The following FHOD3 variants were observed in gnomAD, a reference collection of about 807,000 sequenced individuals.
FHOD3 encodes formin homology 2 domain containing 3, also known as FH1/FH2 domain-containing protein 3.
In FHOD3, 90 loss-of-function variants were observed where a neutral mutation model predicts 173.0. The observed-to-expected ratio is 0.52, with a 90% CI of 0.44 to 0.62. The LOEUF (loss-of-function observed/expected upper bound fraction) is 0.62. FHOD3 is among the 20% of genes least tolerant of loss of function. The pLI is 0.00. For missense variants in FHOD3, 1,945 were observed against 2,034.7 expected (o/e 0.96, Z 0.85); for synonymous variants, 828 against 823.0 (o/e 1.01, Z -0.10).
At chr18:36,596,321 A>ATTTTTTTTTTTT (rs539907617) in intron 7 of FHOD3, among the ~76,000 whole-genome samples, 39 of 57,494 alleles carry the variant, frequency 6.8e-4, no homozygotes, top group South Asian at 9.4e-4. Flanking sequence ...TGCCCAGCTA[A>ATTTTTTTTTTTT]TTTTTTTTTT....
chr18:36,643,943 C>G (rs1453026816), intron 10 of FHOD3, among the ~76,000 whole-genome samples: 1 of 152,104 alleles, frequency 6.6e-6, no homozygotes, highest in South Asian at 2.1e-4. Context: ...TGAAAGAGCT[C>G]AGCAACATTC....
At chr18:36,496,458 T>C (rs1436984298) in intron 3 of FHOD3, among the ~76,000 whole-genome samples, 1 of 152,206 alleles carries the variant, frequency 6.6e-6, no homozygotes, top group Non-Finnish European at 1.5e-5. Flanking sequence ...AGGTGTCTCT[T>C]AAAATGTATG....
chr18:36,478,164 T>G (rs2053693792), intron 3 of FHOD3, among the ~76,000 whole-genome samples: 1 of 152,216 alleles, frequency 6.6e-6, no homozygotes. Context: ...GCTTGGGTGT[T>G]AATGAGATAT....
In FHOD3 at chr18:36,687,194, C is replaced by T; in HGVS notation, c.2021+16C>T. ...GAGAAGAAAGGTTTGTATATTTCTT[C>T]TTTCCCATTGTAACAAATGGCATGT... is the stretch of plus-strand genomic sequence containing the variant. On this transcript the variant is annotated intron_variant, in intron 16 of 28. Transcript: ENST00000590592. The T allele has an allele frequency of 6.3e-7, 1 of 1,594,290 alleles. No individual in the cohort carries two copies. Among genetic ancestry groups the T allele is most frequent in the Non-Finnish European group, 8.6e-7 (1 of 1,164,152 alleles).
intron 3 of FHOD3, among the ~76,000 whole-genome samples, chr18:36,377,789 G>T (rs1338818034): frequency 2.0e-5 from 3 of 152,152 alleles, no homozygotes; most frequent in Non-Finnish European, 4.4e-5. Flanking sequence ...CCCTGACTGG[G>T]AGACACCCCC....
At chr18:36,315,295 A>G (rs1327513845) in intron 1 of FHOD3, among the ~76,000 whole-genome samples, 3 of 152,092 alleles carry the variant, frequency 2.0e-5, no homozygotes, top group Non-Finnish European at 4.4e-5. Context: ...GTTTACATGG[A>G]GATGTTTAGG....
chr18:36,379,841 T>A (rs899073849), intron 3 of FHOD3, among the ~76,000 whole-genome samples: 2 of 152,208 alleles, frequency 1.3e-5, no homozygotes, highest in African/African-American at 4.8e-5. Flanking sequence ...GAGACAACTT[T>A]ATTTTTGGCA....
intron 1 of FHOD3, among the ~76,000 whole-genome samples, chr18:36,317,058 C>A (rs537262012): frequency 5.4e-4 from 82 of 152,276 alleles, no homozygotes; most frequent in African/African-American, 1.8e-3. Flanking sequence ...TGAACTCATC[C>A]TTTTTTATGG....
chr18:36,410,926 C>T (rs1279137507), intron 3 of FHOD3, among the ~76,000 whole-genome samples: 6 of 152,100 alleles, frequency 3.9e-5, no homozygotes, highest in South Asian at 2.1e-4. Context: ...ATCAGATATA[C>T]GCTTTGCAAA....
intron 9 of FHOD3, among the ~76,000 whole-genome samples, chr18:36,619,011 C>T (rs1273713926): frequency 6.6e-6 from 1 of 152,194 alleles, no homozygotes; most frequent in Non-Finnish European, 1.5e-5. Context: ...AAGTCAGCAG[C>T]CTTGGGGGCT....
chr18:36,506,281 C>G (rs1343878941), intron 4 of FHOD3, among the ~76,000 whole-genome samples: 1 of 152,152 alleles, frequency 6.6e-6, no homozygotes, highest in East Asian at 1.9e-4. Flanking sequence ...TTTTGAACAG[C>G]ATGCTAGCAG....
intron 3 of FHOD3, among the ~76,000 whole-genome samples, chr18:36,487,892 G>T (rs2145694073): frequency 6.6e-6 from 1 of 152,296 alleles, no homozygotes; most frequent in East Asian, 1.9e-4. Context: ...TCCACACACA[G>T]CTTGTCCGTT....
intron 5 of FHOD3, among the ~76,000 whole-genome samples, chr18:36,523,228 A>G (rs562025839): frequency 6.6e-6 from 1 of 152,284 alleles, no homozygotes; most frequent in East Asian, 1.9e-4. Context: ...TGAGTCTGCA[A>G]GGCTTAAGTG....
chr18:36,662,926 A>T (rs964186351), intron 14 of FHOD3, among the ~76,000 whole-genome samples: 1 of 152,146 alleles, frequency 6.6e-6, no homozygotes, highest in African/African-American at 2.4e-5. Context: ...ACCATTTTAG[A>T]TGCCTCATAT....
chr18:36,394,433 C>T (rs9946470), intron 3 of FHOD3, among the ~76,000 whole-genome samples: 6,654 of 152,142 alleles, frequency 0.044, 485 homozygotes, highest in African/African-American at 0.15. Flanking sequence ...GAGGAAAGAG[C>T]GGTATAGCTG....
chr18:36,633,061 G>A lies in FHOD3; in HGVS notation c.1196+7312G>A, dbSNP rs148990331. ...CTTCCCTTAGGTGGGCTGTCCGCAT[G>A]CGCAGTGCCCTGCTGGCACTTGGGA... On this transcript the variant is annotated intron_variant, in intron 10 of 28. Coordinates refer to ENST00000590592, the MANE Select transcript of FHOD3 (RefSeq NM_001281740.3). Among the ~76,000 whole-genome samples, 360 of 152,332 alleles carry A rather than the reference G, an allele frequency of 2.4e-3. 2 individuals carry two copies. The highest frequency in any genetic ancestry group is 8.4e-3 in the African/African-American group (349 of 41,574).
chr18:36,580,299 G>C (rs905098119), intron 6 of FHOD3, among the ~76,000 whole-genome samples: 1 of 152,142 alleles, frequency 6.6e-6, no homozygotes, highest in African/African-American at 2.4e-5. Context: ...CGTCAGCACT[G>C]GATCTGTGTG....
intron 3 of FHOD3, among the ~76,000 whole-genome samples, chr18:36,406,091 TTTTGTTTTTTTG>T (rs1331528787): frequency 7.1e-6 from 1 of 140,914 alleles, no homozygotes; most frequent in Non-Finnish European, 1.5e-5. Context: ...TTGTTTTTGT[TTTTGTTTTTTTG>T]TTTTTGTTTT....
intron 6 of FHOD3, among the ~76,000 whole-genome samples, chr18:36,581,585 TC>T (rs2058852869): frequency 6.6e-6 from 1 of 152,202 alleles, no homozygotes; most frequent in Non-Finnish European, 1.5e-5. Flanking sequence ...TCTCCAGACT[TC>T]CTTTCTACTT....
Sources: allele counts gnomAD v4.1 joint callset (sites outside exome capture counted in the v4.1 genomes callset), GRCh38; gene constraint gnomAD v4.1.1; transcripts MANE v1.5; gene names NCBI Gene and HGNC (gene_info 2026-07-23, HGNC 2026-07-21).